The following ZFAT variants were observed in gnomAD, a reference collection of about 807,000 sequenced individuals.
The protein encoded by ZFAT is zinc finger and AT-hook domain containing, also known as zinc finger protein ZFAT.
In ZFAT, 64 loss-of-function variants were observed where a neutral mutation model predicts 117.7. That is an observed-to-expected ratio of 0.54 (90% CI 0.44 to 0.67). ZFAT has a LOEUF of 0.67. Among genes scored for constraint, ZFAT ranks in the 30% least tolerant of loss-of-function variants. The pLI is 0.00. For missense variants in ZFAT, 1,433 were observed against 1,584.5 expected (o/e 0.90, Z 1.62); for synonymous variants, 679 against 615.0 (o/e 1.10, Z -1.54).
At chr8:134,606,950 T>A (rs539452531) in intron 5 of ZFAT, among the ~76,000 whole-genome samples, 1 of 152,218 alleles carries the variant, frequency 6.6e-6, no homozygotes, top group African/African-American at 2.4e-5. Flanking sequence ...TCATTTGTTA[T>A]GAGAGAAGAA....
At chr8:134,822,891 C>G in the ZFAT span, among the ~76,000 whole-genome samples, 1 of 152,010 alleles carries the variant, frequency 6.6e-6, no homozygotes, top group Admixed American at 6.6e-5. Flanking sequence ...CTTGCACATG[C>G]CTTTTTGGAA....
At chr8:134,719,618 C>T in the ZFAT span, among the ~76,000 whole-genome samples, 2 of 152,154 alleles carry the variant, frequency 1.3e-5, no homozygotes, top group Non-Finnish European at 2.9e-5. Flanking sequence ...TGGTTCACTT[C>T]AGCTAAAAAC....
chr8:134,531,503 G>C (rs1821403942), intron 12 of ZFAT, among the ~76,000 whole-genome samples: 1 of 152,212 alleles, frequency 6.6e-6, no homozygotes, highest in African/African-American at 2.4e-5. Context: ...GCATGCACGT[G>C]TTTTTCCATT....
intron 1 of ZFAT, among the ~76,000 whole-genome samples, chr8:134,708,294 C>T (rs1813861019): frequency 6.6e-6 from 1 of 152,138 alleles, no homozygotes; most frequent in African/African-American, 2.4e-5. Context: ...TAATAACGTA[C>T]ATTTCAAATT....
chr8:134,786,490 C>T, the ZFAT span, among the ~76,000 whole-genome samples: 5 of 152,098 alleles, frequency 3.3e-5, no homozygotes, highest in African/African-American at 1.2e-4. Context: ...TGGTTCTCCC[C>T]CTCCAACTCC....
At chr8:134,490,656 T>C (rs1437166036) in intron 15 of ZFAT, among the ~76,000 whole-genome samples, 1 of 152,182 alleles carries the variant, frequency 6.6e-6, no homozygotes, top group Non-Finnish European at 1.5e-5. Flanking sequence ...AGCTCCCCAT[T>C]ACTGAAGTTA....
At chr8:134,665,153 G>A (rs1467063472) in intron 1 of ZFAT, among the ~76,000 whole-genome samples, 2 of 152,228 alleles carry the variant, frequency 1.3e-5, no homozygotes, top group African/African-American at 4.8e-5. Context: ...CCAGAAGGCA[G>A]CTATGAACTG....
intron 14 of ZFAT, among the ~76,000 whole-genome samples, chr8:134,511,773 G>C (rs1408326471): frequency 6.6e-6 from 1 of 152,152 alleles, no homozygotes; most frequent in Non-Finnish European, 1.5e-5. Flanking sequence ...CACTAGGCTG[G>C]TACAGTGGCT....
chr8:134,533,915 T>G (rs924586695), intron 11 of ZFAT, among the ~76,000 whole-genome samples: 1 of 152,210 alleles, frequency 6.6e-6, no homozygotes, highest in African/African-American at 2.4e-5. Context: ...GCTGCCAGCA[T>G]GCCCCTGTAA....
At chr8:134,744,581 C>T in the ZFAT span, among the ~76,000 whole-genome samples, 1 of 152,042 alleles carries the variant, frequency 6.6e-6, no homozygotes, top group Non-Finnish European at 1.5e-5. Flanking sequence ...CAGACGTGAA[C>T]CACTGCGCGC....
chr8:134,812,057 T>G, the ZFAT span, among the ~76,000 whole-genome samples: 5 of 152,050 alleles, frequency 3.3e-5, no homozygotes, highest in African/African-American at 1.2e-4. Flanking sequence ...CACAGGAGAA[T>G]AGCCTGAACC....
chr8:134,596,945 C>T (rs1354740519), intron 7 of ZFAT, among the ~76,000 whole-genome samples: 1 of 143,488 alleles, frequency 7.0e-6, no homozygotes, highest in Non-Finnish European at 1.5e-5. Flanking sequence ...TGAAAAAGCT[C>T]TGAAATTAGC....
Position 134,712,931 on chromosome 8 carries a change from G to C in ZFAT, c.-68C>G. On this transcript the variant is annotated 5_prime_UTR_variant, in exon 1 of 16. Transcript: ENST00000377838. ...CCGGGCCCCCTCCCGTGCCGACCGA[G>C]GGGGCGGGGCGCCCTGCTGACGCTT... 6.9e-7 allele frequency: 1 copy of C among 1,450,248 alleles called. No individual in the cohort carries two copies. The highest frequency in any genetic ancestry group is 9.1e-7 in the Non-Finnish European group (1 of 1,102,026). 89.8% of individuals were successfully genotyped at this position (1,450,248 alleles called of 1,614,324 possible). A position where few individuals can be genotyped will look rare whatever the true frequency, so the allele number is the denominator to read the frequency against.
chr8:134,654,435 T>G (rs1831469099), intron 2 of ZFAT, among the ~76,000 whole-genome samples: 1 of 152,186 alleles, frequency 6.6e-6, no homozygotes, highest in Non-Finnish European at 1.5e-5. Flanking sequence ...AGGGAAGTTT[T>G]ACAAGTGTGG....
At chr8:134,563,351 C>A (rs913620309) in intron 11 of ZFAT, among the ~76,000 whole-genome samples, 8 of 152,192 alleles carry the variant, frequency 5.3e-5, no homozygotes, top group African/African-American at 1.9e-4. Context: ...GTGAGAAAAG[C>A]ACAAGACTAG....
chr8:134,686,722 C>T (rs896453237), intron 1 of ZFAT, among the ~76,000 whole-genome samples: 5 of 152,082 alleles, frequency 3.3e-5, no homozygotes, highest in Non-Finnish European at 5.9e-5. Flanking sequence ...ATCACGAAGA[C>T]GATGTGCCTA....
chr8:134,548,467 C>T (rs1822868936), intron 11 of ZFAT, among the ~76,000 whole-genome samples: 1 of 152,156 alleles, frequency 6.6e-6, no homozygotes, highest in South Asian at 2.1e-4. Flanking sequence ...GAACCAGAGG[C>T]CAGGCAGAGC....
chr8:134,628,501 T>C (rs777152432), intron 3 of ZFAT, among the ~76,000 whole-genome samples: 6 of 152,148 alleles, frequency 3.9e-5, no homozygotes, highest in Non-Finnish European at 7.3e-5. Context: ...GGTTCATATG[T>C]CATAAAGATG....
chr8:134,592,802 C>T (rs1586770844), intron 7 of ZFAT, among the ~76,000 whole-genome samples: 2 of 152,280 alleles, frequency 1.3e-5, no homozygotes, highest in East Asian at 3.9e-4. Context: ...CCAGCGTACA[C>T]TTAGAAAAAG....
Sources: allele counts gnomAD v4.1 joint callset (sites outside exome capture counted in the v4.1 genomes callset), GRCh38; gene constraint gnomAD v4.1.1; transcripts MANE v1.5; gene names NCBI Gene and HGNC (gene_info 2026-07-23, HGNC 2026-07-21).